The following HERC4 variants were observed in gnomAD, a reference collection of about 807,000 sequenced individuals.
HERC4 encodes the protein HECT and RLD domain containing E3 ubiquitin protein ligase 4, also known as probable E3 ubiquitin-protein ligase HERC4.
Under a neutral mutation model 124.3 loss-of-function variants are expected in HERC4, and 28 were observed. That is an observed-to-expected ratio of 0.23 (90% CI 0.17 to 0.31). The LOEUF is 0.31. Ranked by LOEUF, HERC4 falls within the 10% of genes least tolerant of loss-of-function variation. The pLI, the probability that HERC4 is intolerant of heterozygous loss-of-function variation, is 1.00. For missense variants in HERC4, 713 were observed against 1,229.3 expected (o/e 0.58, Z 6.28); for synonymous variants, 407 against 421.5 (o/e 0.97, Z 0.42).
chr10:68,010,087 C>T (rs2037849830), intron 9 of HERC4: 2 of 660,838 alleles, frequency 3.0e-6, no homozygotes, highest in South Asian at 3.2e-5. Flanking sequence ...TTTGTGTTCC[C>T]AATTCCTTCC....
intron 7 of HERC4, among the ~76,000 whole-genome samples, chr10:68,027,371 A>AG (rs1409269750): frequency 5.9e-5 from 9 of 152,112 alleles, no homozygotes; most frequent in Admixed American, 3.9e-4. Context: ...TTTTGGGGGT[A>AG]TTTTCAAACA....
intron 8 of HERC4, among the ~76,000 whole-genome samples, chr10:68,023,515 G>T (rs887147335): frequency 5.3e-5 from 8 of 152,154 alleles, no homozygotes; most frequent in Non-Finnish European, 1.0e-4. Flanking sequence ...AATTCACAGA[G>T]ACAGGAAGTA....
chr10:68,032,651 C>A, intron 7 of HERC4, 127 bp downstream of exon 7: 2 of 553,206 alleles, frequency 3.6e-6, no homozygotes, highest in Non-Finnish European at 6.6e-6. Context: ...GTCTTTTTTC[C>A]CAGATAAATT....
intron 19 of HERC4, among the ~76,000 whole-genome samples, chr10:67,949,049 C>A (rs138113358): frequency 0.022 from 3,303 of 151,954 alleles, 57 homozygotes; most frequent in Non-Finnish European, 0.033. Flanking sequence ...GTCAGGAAAT[C>A]GAGATCATCC....
intron 15 of HERC4, among the ~76,000 whole-genome samples, chr10:67,967,169 A>T (rs1455582731): frequency 1.3e-5 from 2 of 152,182 alleles, no homozygotes; most frequent in Admixed American, 1.3e-4. Flanking sequence ...AGAGAAATTT[A>T]AAATATCTAA....
At chr10:67,988,585 G>T in intron 15 of HERC4, 78 bp downstream of exon 15, 2 of 953,914 alleles carry the variant, frequency 2.1e-6, no homozygotes, top group Non-Finnish European at 3.0e-6. Context: ...ATCTTTAATA[G>T]ATTAATGTTA....
In HERC4 at chr10:68,074,535, C is replaced by A. The variant is rs566052001; in HGVS notation, c.-109+609G>T. ...CACCCTTTTCTTTAAAACACAGAGG[C>A]GTCCTCTCGCCAGCAACAGGTAGGG... On this transcript the variant is annotated intron_variant, in intron 1 of 24. Coordinates refer to ENST00000373700, the MANE Select transcript of HERC4 (RefSeq NM_015601.4). 77 of 152,348 alleles carry A rather than the reference C, an allele frequency of 5.1e-4. 1 individual carries two copies. Among genetic ancestry groups the A allele is most frequent in the African/African-American group, 1.8e-3 (76 of 41,574 alleles). 9.4% of individuals were successfully genotyped at this position (152,348 alleles called of 1,614,324 possible).
At chr10:68,018,241 A>G (rs2038384289) in intron 8 of HERC4, among the ~76,000 whole-genome samples, 1 of 151,886 alleles carries the variant, frequency 6.6e-6, no homozygotes, top group South Asian at 2.1e-4. Context: ...AAAAAAATCC[A>G]TCAATATGCC....
At chr10:67,937,679 A>G (rs2032485565) in intron 21 of HERC4, among the ~76,000 whole-genome samples, 1 of 150,526 alleles carries the variant, frequency 6.6e-6, no homozygotes, top group Non-Finnish European at 1.5e-5. Context: ...TGTGGAGAGC[A>G]ACTTTTTTTT....
Position 68,013,559 on chromosome 10 carries a change from A to C in HERC4, c.1069+467T>G, listed in dbSNP as rs1257963285. ...CAAATTCATAAAGACATAAAGTAGA[A>C]TAGCAGTTGCCAGGCACTAGGAAGA... is the stretch of plus-strand genomic sequence containing the variant. On this transcript the variant is annotated intron_variant, in intron 9 of 24. Coordinates refer to ENST00000373700, the MANE Select transcript of HERC4 (RefSeq NM_015601.4). Among the ~76,000 whole-genome samples, 8 of 152,342 alleles carry C rather than the reference A, an allele frequency of 5.3e-5. No homozygotes were observed. The East Asian group carries it at 1.5e-3, about 29-fold the overall frequency.
At chr10:67,949,797 C>T (rs2033664825) in intron 19 of HERC4, among the ~76,000 whole-genome samples, 1 of 152,126 alleles carries the variant, frequency 6.6e-6, no homozygotes, top group Non-Finnish European at 1.5e-5. Flanking sequence ...GCAGGTGGAT[C>T]ACTTGAGGTC....
intron 15 of HERC4, among the ~76,000 whole-genome samples, chr10:67,981,514 T>C (rs2035928274): frequency 6.6e-6 from 1 of 152,186 alleles, no homozygotes; most frequent in African/African-American, 2.4e-5. Flanking sequence ...TGAGACTTAA[T>C]CTGCACTATA....
rs1383911558 is a variant in HERC4 at position 67,974,099 on chromosome 10, CACACACACACACACACACACAT to C, written c.1807-7319_1807-7298del. ...ACACACACACACACACACACACACA[CACACACACACACACACACACAT>C]ACACACAGGGTCAGGAAAACAAGAC... On this transcript the variant is annotated intron_variant, in intron 15 of 24. Coordinates refer to ENST00000373700, the MANE Select transcript of HERC4 (RefSeq NM_015601.4). Among the ~76,000 whole-genome samples, 38 of 143,640 alleles carry C rather than the reference CACACACACACACACACACACAT, an allele frequency of 2.6e-4. 1 individual carries two copies. In the East Asian group the frequency reaches 2.7e-3, roughly 10 times the overall value. The allele number at this position is 143,640 out of a possible 152,430, so 94.2% of individuals were successfully genotyped here.
chr10:67,927,717 GC>G (rs2031294475), intron 23 of HERC4, among the ~76,000 whole-genome samples: 2 of 151,824 alleles, frequency 1.3e-5, no homozygotes, highest in Non-Finnish European at 2.9e-5. Context: ...GAGCCACTGC[GC>G]CCGGCCGCTA....
intron 22 of HERC4, among the ~76,000 whole-genome samples, chr10:67,935,011 A>C (rs762860549): frequency 6.7e-6 from 1 of 150,246 alleles, no homozygotes; most frequent in Non-Finnish European, 1.5e-5. Flanking sequence ...GATGTCACGC[A>C]TCATTCTGAG....
intron 5 of HERC4, among the ~76,000 whole-genome samples, chr10:68,035,112 C>T (rs1387712267): frequency 6.6e-6 from 1 of 150,676 alleles, no homozygotes; most frequent in East Asian, 1.9e-4. Context: ...AGCTTCCTTC[C>T]AAAAAAATCA....
At chr10:67,973,556 G>T (rs1204717104) in intron 15 of HERC4, among the ~76,000 whole-genome samples, 1 of 152,182 alleles carries the variant, frequency 6.6e-6, no homozygotes, top group Non-Finnish European at 1.5e-5. Flanking sequence ...AGAACCAGTT[G>T]TATTTTATGA....
At chr10:67,982,349 C>A (rs1233082847) in intron 15 of HERC4, among the ~76,000 whole-genome samples, 2 of 152,020 alleles carry the variant, frequency 1.3e-5, no homozygotes, top group Non-Finnish European at 2.9e-5. Flanking sequence ...TCATTTTTGA[C>A]AAAAGAACCA....
At chr10:67,934,462 T>C (rs753394099) in intron 22 of HERC4, among the ~76,000 whole-genome samples, 46 of 152,184 alleles carry the variant, frequency 3.0e-4, no homozygotes, top group Non-Finnish European at 5.6e-4. Flanking sequence ...TTATTGATCC[T>C]TCAGAAAGAA....
Sources: allele counts gnomAD v4.1 joint callset (sites outside exome capture counted in the v4.1 genomes callset), GRCh38; gene constraint gnomAD v4.1.1; transcripts MANE v1.5; gene names NCBI Gene and HGNC (gene_info 2026-07-23, HGNC 2026-07-21).